FLT3: variants seen among roughly 807,000 people sequenced by gnomAD.
FLT3 encodes receptor-type tyrosine-protein kinase FLT3.
In FLT3, 46 loss-of-function variants were observed where a neutral mutation model predicts 126.6. The ratio of observed to expected loss-of-function variants is 0.36; its 90% CI spans 0.29 to 0.46. FLT3 has a LOEUF of 0.46. Among genes scored for constraint, FLT3 ranks in the 20% least tolerant of loss-of-function variants. The probability of loss-of-function intolerance (pLI) is 1.00; values close to 1 mark genes in which losing one functional copy is unlikely to be tolerated. For missense variants in FLT3, 1,069 were observed against 1,190.3 expected, an observed-to-expected ratio of 0.90 and a Z score of 1.50; for synonymous variants, 404 against 434.4, an observed-to-expected ratio of 0.93 and a Z score of 0.87.
chr13:28,031,813 C>G (rs1240513814), intron 15 of FLT3, among the ~76,000 whole-genome samples: 1 of 152,126 alleles, frequency 6.6e-6, no homozygotes, highest in Non-Finnish European at 1.5e-5. Flanking sequence ...GCAGCGGTGG[C>G]CCAGCCATGC....
chr13:28,025,836 G>A (rs1027629868), intron 17 of FLT3, among the ~76,000 whole-genome samples: 6 of 152,162 alleles, frequency 3.9e-5, no homozygotes, highest in Non-Finnish European at 7.3e-5. Flanking sequence ...GCACACGGAC[G>A]TGCATGGGGA....
intron 1 of FLT3, among the ~76,000 whole-genome samples, chr13:28,090,543 C>T (rs895513665): frequency 1.1e-4 from 16 of 151,988 alleles, no homozygotes; most frequent in Non-Finnish European, 1.5e-4. Context: ...TTTGGGAGGC[C>T]GAGGCAGGAG....
intron 1 of FLT3, among the ~76,000 whole-genome samples, chr13:28,081,676 T>C (rs937352141): frequency 5.3e-5 from 8 of 152,114 alleles, no homozygotes; most frequent in African/African-American, 1.9e-4. Flanking sequence ...CCTCGCCTTG[T>C]TTCTGATCTT....
chr13:28,024,016 C>T (rs918594963), intron 18 of FLT3, among the ~76,000 whole-genome samples: 1 of 152,160 alleles, frequency 6.6e-6, no homozygotes, highest in Non-Finnish European at 1.5e-5. Context: ...CCACCTGAGC[C>T]TCCCAAAGTG....
At chr13:28,071,173 T>TC (rs1340418111) in intron 1 of FLT3, among the ~76,000 whole-genome samples, 1 of 150,886 alleles carries the variant, frequency 6.6e-6, no homozygotes. Flanking sequence ...TTTCTTTCTT[T>TC]TTTTTTTTGT....
At chr13:28,090,086 G>C (rs1196686095) in intron 1 of FLT3, among the ~76,000 whole-genome samples, 1 of 151,382 alleles carries the variant, frequency 6.6e-6, no homozygotes, top group Non-Finnish European at 1.5e-5. Flanking sequence ...TGTCACCCAG[G>C]GTGAAGTGTG....
chr13:28,086,640 G>A (rs1049712421), intron 1 of FLT3, among the ~76,000 whole-genome samples: 9 of 151,174 alleles, frequency 6.0e-5, no homozygotes, highest in Non-Finnish European at 8.9e-5. Flanking sequence ...GTGTGTGTGT[G>A]TGTGTGTGTG....
At chr13:28,031,453 GC>G (rs1873337830) in intron 15 of FLT3, among the ~76,000 whole-genome samples, 2 of 152,118 alleles carry the variant, frequency 1.3e-5, no homozygotes, top group Admixed American at 6.5e-5. Flanking sequence ...AGAGAGCACA[GC>G]ACCACAGACA....
chr13:28,050,418 G>T (rs1352213997), intron 5 of FLT3, among the ~76,000 whole-genome samples, 196 bp from the exon 6 acceptor site: 1 of 152,050 alleles, frequency 6.6e-6, no homozygotes, highest in Non-Finnish European at 1.5e-5. Flanking sequence ...TTATCGCAAT[G>T]AATTAGCATA....
chr13:28,085,158 C>A (rs1445986974), intron 1 of FLT3, among the ~76,000 whole-genome samples: 1 of 151,276 alleles, frequency 6.6e-6, no homozygotes, highest in Non-Finnish European at 1.5e-5. Context: ...GCCTGGCCAA[C>A]GTGGTGAAAC....
chr13:28,064,058 GC>G (rs1876800729), intron 2 of FLT3, among the ~76,000 whole-genome samples: 1 of 152,086 alleles, frequency 6.6e-6, no homozygotes, highest in South Asian at 2.1e-4. Context: ...GATCACTTGA[GC>G]CCAGGAGTTC....
At chr13:28,006,367 T>G (rs1415567416) in intron 23 of FLT3, among the ~76,000 whole-genome samples, 18 of 151,530 alleles carry the variant, frequency 1.2e-4, no homozygotes, top group Non-Finnish European at 4.4e-5. Flanking sequence ...ATATATCCAT[T>G]GTGAACCAGG....
rs879582979 is a variant in FLT3, at chr13:28,060,825, G to A, written c.368+1042C>T. 4.0e-5 allele frequency among the ~76,000 whole-genome samples: 6 copies of A among 151,350 alleles called. No homozygotes were observed. In the Middle Eastern group the frequency reaches 0.01, roughly 257 times the overall value. On this transcript the variant is annotated intron_variant, in intron 3 of 23. Coordinates refer to ENST00000241453, the MANE Select transcript of FLT3 (RefSeq NM_004119.3). ...TCACCATGTTGTCCAGGCTGGTCTC[G>A]AACTCCTGACCTCAGGTGATCCTCC...
intron 4 of FLT3, among the ~76,000 whole-genome samples, chr13:28,055,407 T>C (rs916915267): frequency 2.2e-4 from 34 of 152,256 alleles, no homozygotes; most frequent in Non-Finnish European, 4.8e-4. Context: ...TTGTCAGTAT[T>C]CATCTTTAAA....
chr13:28,029,992 C>T (rs1190261432), intron 15 of FLT3, among the ~76,000 whole-genome samples: 2 of 152,202 alleles, frequency 1.3e-5, no homozygotes, highest in Non-Finnish European at 2.9e-5. Flanking sequence ...GGCAGGGTCT[C>T]TGGACTTCCC....
At chr13:28,030,455 C>T (rs1256855149) in intron 15 of FLT3, among the ~76,000 whole-genome samples, 3 of 152,170 alleles carry the variant, frequency 2.0e-5, no homozygotes, top group Non-Finnish European at 4.4e-5. Flanking sequence ...AGCCAATGTC[C>T]TAGACACTGG....
At chr13:28,016,928 C>G (rs955058540) in intron 20 of FLT3, among the ~76,000 whole-genome samples, 1 of 152,086 alleles carries the variant, frequency 6.6e-6, no homozygotes, top group African/African-American at 2.4e-5. Flanking sequence ...GGACAAGGTG[C>G]TTTCACGTTG....
intron 10 of FLT3, 89 bp downstream of exon 10, chr13:28,037,096 T>C: frequency 7.7e-6 from 6 of 774,314 alleles, no homozygotes; most frequent in Non-Finnish European, 1.1e-5. Context: ...GTAGCCCTTC[T>C]AAGCCATTAC....
intron 1 of FLT3, among the ~76,000 whole-genome samples, chr13:28,084,046 G>A (rs9554245): frequency 6.6e-6 from 1 of 151,508 alleles, no homozygotes; most frequent in Non-Finnish European, 1.5e-5. Flanking sequence ...TAAAAGAAAT[G>A]GTGTTTTGCT....
Sources: gnomAD v4.1 joint callset for allele counts (sites outside exome capture counted in the v4.1 genomes callset) on GRCh38, gnomAD v4.1.1 for gene constraint, MANE v1.5 for transcripts, NCBI Gene and HGNC (gene_info 2026-07-23, HGNC 2026-07-21) for gene names.